Variants in GRIPAP1 observed in about 807,000 individuals in gnomAD.
GRIPAP1 encodes GRIP1-associated protein 1.
Under a neutral mutation model 84.1 loss-of-function variants are expected in GRIPAP1, and 14 were observed. The observed-to-expected ratio is 0.17, with a 90% CI of 0.11 to 0.26. The LOEUF is 0.26. Among genes scored for constraint, GRIPAP1 ranks in the 10% least tolerant of loss-of-function variants. GRIPAP1 has a pLI of 1.00. For missense variants in GRIPAP1, 518 were observed against 674.2 expected (o/e 0.77, Z 2.57); for synonymous variants, 261 against 256.8 (o/e 1.02, Z -0.15).
intron 6 of GRIPAP1, among the ~76,000 whole-genome samples, chrX:48,992,824 C>T (rs1357650189): frequency 9.0e-6 from 1 of 111,180 alleles, no homozygotes; most frequent in African/African-American, 3.3e-5. Flanking sequence ...TAGCAAATAT[C>T]TCCTTTTTTT....
intron 22 of GRIPAP1, 135 bp from the exon 23 acceptor site, chrX:48,976,498 C>T: frequency 1.3e-6 from 1 of 745,949 alleles, no homozygotes; most frequent in South Asian, 2.8e-5. Flanking sequence ...GACTGTTGGC[C>T]CATCTTGGTA....
At position 48,976,307 on chromosome X, in the gene GRIPAP1, C is replaced by G. The variant is rs782232523; in HGVS notation, c.2118G>C (p.Glu706Asp). 104 of 1,190,353 alleles carry G rather than the reference C, an allele frequency of 8.7e-5. 1 individual carries two copies. Among genetic ancestry groups the G allele is most frequent in the Non-Finnish European group, 1.5e-5 (13 of 885,352 alleles). ...QPPRPAELSD[E>D]EVAELFQRLA... ...GCCGCTGAAAGAGCTCAGCCACTTC[C>G]TCATCTGACAGCTCTGCTGGCCGAG... The change falls in exon 23 of 26, where the codon GAG becomes GAC. Residue 706 changes from glutamate to aspartate, a missense_variant. Physicochemically the swap from Glu to Asp is conservative, Grantham distance 45. This residue lies in a region of GRIPAP1 where 66 missense variants were observed against 65.2 expected (regional missense o/e 1.01). Coordinates refer to ENST00000376423, the MANE Select transcript of GRIPAP1 (RefSeq NM_020137.5).
At chrX:49,001,735 A>C (rs1478430617) in intron 1 of GRIPAP1, among the ~76,000 whole-genome samples, 1 of 109,868 alleles carries the variant, frequency 9.1e-6, no homozygotes, top group East Asian at 2.9e-4. Flanking sequence ...TATCTCCCCC[A>C]AAACTTACCA....
chrX:49,001,796 C>T (rs1221820785), intron 1 of GRIPAP1, among the ~76,000 whole-genome samples: 1 of 110,527 alleles, frequency 9.0e-6, no homozygotes, highest in Non-Finnish European at 1.9e-5. Flanking sequence ...ACCACCATGA[C>T]GCAAACGACC....
At position 48,976,333 on chromosome X, in the gene GRIPAP1, G is replaced by C. The variant is rs782590734; in HGVS notation, c.2092C>G (p.Pro698Ala). Reference protein sequence around the residue: ...SLSSSPQAQPPRPAELSDEEV... With the variant: ...SLSSSPQAQPARPAELSDEEV... ...TCATCTGACAGCTCTGCTGGCCGAG[G>C]GGGCTGGGCTTGAGGGCTGCTGGAT... Residue 698 changes from proline to alanine, a missense_variant, in exon 23 of 26, where the codon CCT (proline) becomes GCT (alanine). Pro to Ala is a conservative substitution (Grantham distance 27). Around this residue, in one of 5 missense-constraint regions of GRIPAP1, gnomAD observed 66 missense variants for 65.2 expected, o/e 1.01. Transcript: ENST00000376423. 5.0e-6 allele frequency: 6 copies of C among 1,199,933 alleles called. No individual in the cohort carries two copies. In the South Asian group the frequency reaches 1.1e-4, roughly 22 times the overall value.
intron 25 of GRIPAP1, among the ~76,000 whole-genome samples, chrX:48,974,673 G>A (rs1312659999): frequency 1.8e-5 from 2 of 111,987 alleles, no homozygotes; most frequent in East Asian, 5.6e-4. Context: ...GCAGAAAGAT[G>A]TGTGTGTGGA....
chrX:48,998,177 G>A lies in GRIPAP1; in HGVS notation c.175C>T (p.Leu59=), dbSNP rs1467808501. 2 of 1,189,150 alleles carry A rather than the reference G, an allele frequency of 1.7e-6. No homozygotes were observed. Among genetic ancestry groups the A allele is most frequent in the Admixed American group, 2.2e-5 (1 of 45,108 alleles). The change falls in exon 4 of 26, where the codon CTG becomes TTG. Residue 59 remains leucine (L), a synonymous_variant. Transcript: ENST00000376423. ...ACCTGAGCTTTCTTGCTCTTGCTCA[G>A]TGCCTAAAGTGGGGGTGGGTGGGAA... ...DKEFSKAQKA[L]SKSKKAQEVE... is the part of the protein sequence containing the mutation.
rs1245832809 is a variant in GRIPAP1 at position 48,983,024 on chromosome X, C to T, written c.1554G>A (p.Met518Ile). Reference sequence around the variant, plus strand: ...GTTCAAACCAGCCCTTGGCTCCATCCATGGAATGTACCTGAGCTTGAAGTT... The same window carrying T: ...GTTCAAACCAGCCCTTGGCTCCATCTATGGAATGTACCTGAGCTTGAAGTT... ...VEELQAQVHS[M>I]DGAKGWFERR... The change falls in exon 17 of 26, where the codon ATG (methionine) becomes ATA (isoleucine). Residue 518 changes from methionine to isoleucine, a missense_variant. This residue lies in a region of GRIPAP1 where 372 missense variants were observed against 458.1 expected (regional missense o/e 0.81). Coordinates refer to ENST00000376423, the MANE Select transcript of GRIPAP1 (RefSeq NM_020137.5). The T allele has an allele frequency of 1.3e-5, 16 of 1,208,310 alleles. No homozygotes were observed. Among genetic ancestry groups the T allele is most frequent in the Non-Finnish European group, 1.8e-5 (16 of 892,929 alleles).
chrX:48,978,268 G>A, intron 22 of GRIPAP1, 37 bp downstream of exon 22: 6 of 1,202,303 alleles, frequency 5.0e-6, no homozygotes, highest in Non-Finnish European at 6.7e-6. Flanking sequence ...TTTGGGTTGA[G>A]AGAAGCTGGA....
Position 48,976,112 on chromosome X carries a change from C to CTG in GRIPAP1, c.2185-3_2185-2dup. 1 of 1,210,734 alleles carries CTG rather than the reference C, an allele frequency of 8.3e-7. No homozygotes were observed. Among genetic ancestry groups the CTG allele is most frequent in the South Asian group, 1.8e-5 (1 of 56,866 alleles). Reference sequence around the variant, plus strand: ...CACTGCTCACTTCCAGGTGCTTCACCTGCAAGATGGCCCAGCCCACCTGAG... The same window carrying CTG: ...CACTGCTCACTTCCAGGTGCTTCACCTGTGCAAGATGGCCCAGCCCACCTGAG... On this transcript the variant is annotated splice_acceptor_variant, in intron 23 of 25. Transcript: ENST00000376423. LOFTEE classifies it high-confidence loss of function.
Position 48,983,857 on chromosome X carries a change from GC to G in GRIPAP1, c.1189del (p.Ala397ProfsTer12). 1 of 1,162,753 alleles carries G rather than the reference GC, an allele frequency of 8.6e-7. No individual in the cohort carries two copies. The highest frequency in any genetic ancestry group is 1.2e-6 in the Non-Finnish European group (1 of 851,119). ...LNSQLQESLR[A>X]NSRLLEQLQE... The stretch of plus-strand genomic sequence containing the variant: ...AAGTTGTTCCAGCAGTCGACTATTG[GC>G]CCGTAATGACTCCTAATGCAGACAC... On this transcript the variant is annotated frameshift_variant, in exon 15 of 26. Coordinates refer to ENST00000376423, the MANE Select transcript of GRIPAP1 (RefSeq NM_020137.5). LOFTEE classifies it high-confidence loss of function.
At chrX:48,991,288 T>C (rs1602475885) in intron 6 of GRIPAP1, 178 bp from the exon 7 acceptor site, 3 of 390,445 alleles carry the variant, frequency 7.7e-6, no homozygotes, top group East Asian at 8.4e-5. Flanking sequence ...ATTTTTTTCT[T>C]TTTTTTTTTG....
rs374247614 is a variant in GRIPAP1, at chrX:48,983,781, A to G, written c.1266T>C (p.Ala422=). 2.6e-6 allele frequency: 3 copies of G among 1,146,016 alleles called. No homozygotes were observed. The highest frequency in any genetic ancestry group is 3.6e-6 in the Non-Finnish European group (3 of 838,904). 94.4% of individuals were successfully genotyped at this position (1,146,016 alleles called of 1,213,427 possible). Residue 422 remains alanine (A), a synonymous_variant, in exon 15 of 26, where the codon GCT becomes GCC. Transcript: ENST00000376423. ...AACCCTCATGTTCCCCTACCTTCCG[A>G]GCCTCCTGTAATTCCTGGGTCAACT... is the stretch of plus-strand genomic sequence containing the variant. The part of the protein sequence containing the change: ...KEQLTQELQE[A]RKSAEKRKAM...
Position 48,991,333 on chromosome X carries a change from G to A in GRIPAP1, c.458-223C>T, listed in dbSNP as rs2064519343. The A allele has an allele frequency of 7.7e-6, 3 of 391,830 alleles. No homozygotes were observed. In the East Asian group the frequency reaches 1.3e-4, roughly 17 times the overall value. The allele number at this position is 391,830 out of a possible 1,213,427, so 32.3% of individuals were successfully genotyped here. A position where few individuals can be genotyped will look rare whatever the true frequency, so the allele number is the denominator to read the frequency against. ...CTTGCTCTGTCACCCAGGCTGGAGT[G>A]CACTGGAATGATCACAGTTCACTGC... On this transcript the variant is annotated intron_variant, in intron 6 of 25. Transcript: ENST00000376423.
rs782630578 is a variant in GRIPAP1 at position 48,982,537 on chromosome X, G to A, written c.1599+442C>T. 1.9e-4 allele frequency among the ~76,000 whole-genome samples: 21 copies of A among 111,891 alleles called. No homozygotes were observed. In the South Asian group the frequency reaches 6.3e-3, roughly 34 times the overall value. ...ATTACAGGCGCCAGCCACCATGCCC[G>A]GCTAATTTTTGTATTTTTAGTAGAG... On this transcript the variant is annotated intron_variant, in intron 17 of 25. Coordinates refer to ENST00000376423, the MANE Select transcript of GRIPAP1 (RefSeq NM_020137.5).
Position 48,976,374 on chromosome X carries a change from G to C in GRIPAP1, c.2062-11C>G. 1 of 1,194,164 alleles carries C rather than the reference G, an allele frequency of 8.4e-7. No individual in the cohort carries two copies. Among genetic ancestry groups the C allele is most frequent in the African/African-American group, 1.7e-5 (1 of 57,636 alleles). ...GCTGCTGGATAAGGACTGCAGGAAA[G>C]AGAAGGGGAGAGGCCAGCCCCGGGC... On this transcript the variant is annotated splice_polypyrimidine_tract_variant and intron_variant, in intron 22 of 25. Transcript: ENST00000376423.
intron 15 of GRIPAP1, 73 bp from the exon 16 acceptor site, chrX:48,983,513 C>T: frequency 1.1e-6 from 1 of 904,473 alleles, no homozygotes; most frequent in South Asian, 2.2e-5. Context: ...TCTTCCCATG[C>T]CCAAGGAACT....
rs190346590 is a variant in GRIPAP1, at chrX:48,973,874, T to C, written c.*319A>G. On this transcript the variant is annotated 3_prime_UTR_variant, in exon 26 of 26. Transcript: ENST00000376423. ...GAGTAGCCAGGCTCCAGACATAAAT[T>C]AAAAAATAAAATAAAATAAAATAAA... 5 of 109,135 alleles carry C rather than the reference T, an allele frequency of 4.6e-5. No individual in the cohort carries two copies. The East Asian group carries it at 7.9e-4, about 17-fold the overall frequency. 9.0% of individuals were successfully genotyped at this position (109,135 alleles called of 1,213,427 possible). A position where few individuals can be genotyped will look rare whatever the true frequency, so the allele number is the denominator to read the frequency against.
intron 11 of GRIPAP1, 82 bp from the exon 12 acceptor site, chrX:48,988,280 C>CCAGCAGCATGTTCT: frequency 1.5e-6 from 1 of 668,172 alleles, no homozygotes; most frequent in Non-Finnish European, 2.3e-6. Context: ...GTTTGACCAC[C>CCAGCAGCATGTTCT]CAGCAGCATG....
Sources: gnomAD v4.1 joint callset for allele counts (sites outside exome capture counted in the v4.1 genomes callset) on GRCh38, gnomAD v4.1.1 for gene constraint, gnomAD v4.1.1 regional missense constraint, MANE v1.5 for transcripts, NCBI Gene and HGNC (gene_info 2026-07-23, HGNC 2026-07-21) for gene names.